PHLDB2: variants seen among roughly 807,000 people sequenced by gnomAD.
PHLDB2 encodes the protein pleckstrin homology like domain family B member 2.
In PHLDB2, 71 loss-of-function variants were observed where a neutral mutation model predicts 123.6. The observed-to-expected ratio is 0.57, with a 90% CI of 0.47 to 0.70. The LOEUF is 0.70. Ranked by LOEUF, PHLDB2 falls within the 30% of genes least tolerant of loss-of-function variation. The pLI is 0.00. For missense variants in PHLDB2, 1,446 were observed against 1,519.5 expected, an observed-to-expected ratio of 0.95 and a Z score of 0.80; for synonymous variants, 547 against 541.6, an observed-to-expected ratio of 1.01 and a Z score of -0.14.
At chr3:111,961,376 C>T (rs558435674) in intron 12 of PHLDB2, among the ~76,000 whole-genome samples, 2 of 152,196 alleles carry the variant, frequency 1.3e-5, no homozygotes, top group East Asian at 1.9e-4. Context: ...TGGTGCTTTT[C>T]GTCCTACTGA....
At chr3:111,871,553 C>A (rs1340389848) in intron 1 of PHLDB2, among the ~76,000 whole-genome samples, 1 of 151,764 alleles carries the variant, frequency 6.6e-6, no homozygotes, top group East Asian at 1.9e-4. Context: ...ACTGGAGATG[C>A]TGAAGTGGGA....
chr3:111,845,811 C>T (rs1359610252), intron 1 of PHLDB2: 2 of 1,611,962 alleles, frequency 1.2e-6, no homozygotes, highest in African/African-American at 1.3e-5. Flanking sequence ...TCTTTTCTTG[C>T]TGTGTGCAGG....
chr3:111,845,608 G>A (rs1221032840), intron 1 of PHLDB2, among the ~76,000 whole-genome samples: 2 of 152,110 alleles, frequency 1.3e-5, no homozygotes, highest in Non-Finnish European at 2.9e-5. Flanking sequence ...GTTGTCAGTG[G>A]TGCTGGTGGT....
intron 17 of PHLDB2, 49 bp downstream of exon 17, chr3:111,973,866 AG>A (rs762280404): frequency 8.7e-7 from 1 of 1,149,312 alleles, no homozygotes; most frequent in Non-Finnish European, 1.3e-6. Context: ...ATAATTAAGA[AG>A]GGAAAAATAT....
chr3:111,857,601 G>A (rs1321308543), upstream of PHLDB2, among the ~76,000 whole-genome samples: 1 of 152,164 alleles, frequency 6.6e-6, no homozygotes. Context: ...CTGTTTAACT[G>A]TTGGATTGAT....
chr3:111,863,905 A>G (rs550440420), intron 1 of PHLDB2, among the ~76,000 whole-genome samples: 3 of 152,304 alleles, frequency 2.0e-5, no homozygotes, highest in African/African-American at 7.2e-5. Context: ...TTACATTGCT[A>G]TGGTTAGCCA....
chr3:111,911,502 C>T, intron 2 of PHLDB2: 1 of 866,394 alleles, frequency 1.2e-6, no homozygotes, highest in Non-Finnish European at 1.8e-6. Context: ...TAAAATAAGG[C>T]AATGAAGGCT....
upstream of PHLDB2, among the ~76,000 whole-genome samples, chr3:111,858,406 C>A (rs758964564): frequency 3.3e-5 from 5 of 152,134 alleles, no homozygotes; most frequent in Non-Finnish European, 7.4e-5. Context: ...ACCACCATGG[C>A]ACATGTATAC....
intron 1 of PHLDB2, among the ~76,000 whole-genome samples, chr3:111,737,118 C>T (rs532346543): frequency 6.6e-6 from 1 of 152,296 alleles, no homozygotes; most frequent in African/African-American, 2.4e-5. Context: ...AAACCAGCTA[C>T]AGTTACAGGA....
intron 5 of PHLDB2, among the ~76,000 whole-genome samples, chr3:111,924,714 C>T (rs2137897): frequency 0.18 from 27,167 of 152,230 alleles, 2,690 homozygotes; most frequent in South Asian, 0.23. Context: ...GGGCAAGCTC[C>T]GATTCAGATG....
chr3:111,780,297 G>GGAA (rs59358897), intron 1 of PHLDB2, among the ~76,000 whole-genome samples: 585 of 7,166 alleles, frequency 0.082, 193 homozygotes, highest in East Asian at 0.62. Flanking sequence ...AAGAAGAAGA[G>GGAA]GAAGAGGAAG....
At chr3:111,771,718 G>A (rs1003489093) in intron 1 of PHLDB2, among the ~76,000 whole-genome samples, 16 of 152,280 alleles carry the variant, frequency 1.1e-4, no homozygotes, top group African/African-American at 3.8e-4. Flanking sequence ...GTGTAAGGAT[G>A]CCAGTTATAC....
At chr3:111,914,621 A>G (rs2068064631) in intron 3 of PHLDB2, 4 of 151,912 alleles carry the variant, frequency 2.6e-5, no homozygotes, top group African/African-American at 9.7e-5. Context: ...TTCTTCACCC[A>G]TTTTTTTAAT....
At chr3:111,732,553 C>A in exon 1 of PHLDB2, 1 of 1,397,328 alleles carries the variant, frequency 7.2e-7, no homozygotes, top group Non-Finnish European at 9.8e-7. Context: ...AGGAACCTCA[C>A]CTTCATGCTT....
At chr3:111,766,885 A>G (rs2060091479) in intron 1 of PHLDB2, among the ~76,000 whole-genome samples, 1 of 151,858 alleles carries the variant, frequency 6.6e-6, no homozygotes, top group African/African-American at 2.4e-5. Flanking sequence ...ATACAAAATT[A>G]CCAGGTGTGG....
intron 1 of PHLDB2, among the ~76,000 whole-genome samples, chr3:111,815,614 C>A (rs928603689): frequency 2.6e-5 from 4 of 152,146 alleles, no homozygotes; most frequent in Non-Finnish European, 5.9e-5. Context: ...GAAGAAATTT[C>A]TAAGCAGCAA....
At chr3:111,921,399 C>T (rs943536759) in intron 5 of PHLDB2, among the ~76,000 whole-genome samples, 3 of 152,102 alleles carry the variant, frequency 2.0e-5, no homozygotes, top group Non-Finnish European at 2.9e-5. Flanking sequence ...TTCTGCTGAA[C>T]GTGACTTCCT....
At chr3:111,900,084 C>T (rs191562289) in intron 2 of PHLDB2, among the ~76,000 whole-genome samples, 79 of 152,322 alleles carry the variant, frequency 5.2e-4, no homozygotes, top group African/African-American at 1.9e-3. Context: ...TCTTCTGCAG[C>T]TTCTTCACCT....
At position 111,876,114 on chromosome 3, in the gene PHLDB2, T is replaced by C. The variant is rs184463580; in HGVS notation, c.-14-7950T>C. 1.6e-4 allele frequency among the ~76,000 whole-genome samples: 24 copies of C among 152,320 alleles called. No individual in the cohort carries two copies. In the East Asian group the frequency reaches 4.2e-3, roughly 27 times the overall value. On this transcript the variant is annotated intron_variant, in intron 1 of 17. Transcript: ENST00000431670. Reference sequence around the variant, plus strand: ...GGCATATTGAGGAGGCAAGAGCAGATACTGGCTTGTACTAGAGAGGCTACC... The same window carrying C: ...GGCATATTGAGGAGGCAAGAGCAGACACTGGCTTGTACTAGAGAGGCTACC...
Sources: allele counts gnomAD v4.1 joint callset (sites outside exome capture counted in the v4.1 genomes callset), GRCh38; gene constraint gnomAD v4.1.1; transcripts MANE v1.5; gene names NCBI Gene and HGNC (gene_info 2026-07-23, HGNC 2026-07-21).